The following MSRA variants were observed in gnomAD, a reference collection of about 807,000 sequenced individuals.
MSRA encodes the protein mitochondrial peptide methionine sulfoxide reductase.
Under a neutral mutation model 31.3 loss-of-function variants are expected in MSRA, and 54 were observed. That is an observed-to-expected ratio of 1.73 (90% CI 1.39 to 2.17). MSRA has a LOEUF of 2.17. MSRA is among the 30% of genes most tolerant of loss of function. The probability of loss-of-function intolerance (pLI) is 0.00; values close to 1 mark genes in which losing one functional copy is unlikely to be tolerated. For synonymous variants in MSRA, 169 were observed against 116.5 expected (o/e 1.45, Z -2.90); for missense variants, 507 against 300.9 (o/e 1.69, Z -5.07).
chr8:10,220,372 G>T (rs1810383683), intron 2 of MSRA, among the ~76,000 whole-genome samples: 1 of 152,032 alleles, frequency 6.6e-6, no homozygotes, highest in African/African-American at 2.4e-5. Context: ...TGATAATATG[G>T]AAATAATCAG....
At position 10,242,069 on chromosome 8, in the gene MSRA, C is replaced by T. The variant is rs542399313; in HGVS notation, c.212-3035C>T. Among the ~76,000 whole-genome samples the T allele has an allele frequency of 6.6e-5, 10 of 152,242 alleles. No homozygotes were observed. The South Asian group carries it at 8.3e-4, about 13-fold the overall frequency. On this transcript the variant is annotated intron_variant, in intron 2 of 5. Transcript: ENST00000317173. Reference sequence around the variant, plus strand: ...GGCAGATCACCTGAGGTCAGGAGTTCGAGACCAGCCTGGCCAACATGGCGA... The same window carrying T: ...GGCAGATCACCTGAGGTCAGGAGTTTGAGACCAGCCTGGCCAACATGGCGA...
intron 2 of MSRA, among the ~76,000 whole-genome samples, chr8:10,240,360 T>C (rs1432666205): frequency 1.3e-5 from 2 of 152,168 alleles, no homozygotes; most frequent in Admixed American, 6.5e-5. Context: ...ATGTGTAACC[T>C]ATCTCTGCCA....
chr8:10,401,679 G>A (rs1383569961), intron 5 of MSRA, among the ~76,000 whole-genome samples: 1 of 94,666 alleles, frequency 1.1e-5, no homozygotes, highest in Non-Finnish European at 2.3e-5. Flanking sequence ...TCAGATGAAT[G>A]GGTAAAAAAA....
At chr8:10,267,574 G>C (rs1450610011) in intron 3 of MSRA, among the ~76,000 whole-genome samples, 3 of 152,086 alleles carry the variant, frequency 2.0e-5, no homozygotes, top group Admixed American at 1.3e-4. Flanking sequence ...ATTACTATGG[G>C]TCCTAGTATT....
rs578051187 is a variant in MSRA at position 10,081,135 on chromosome 8, A to G, written c.142+26477A>G. Among the ~76,000 whole-genome samples, 183 of 152,290 alleles carry G rather than the reference A, an allele frequency of 1.2e-3. 1 individual carries two copies. The highest frequency in any genetic ancestry group is 4.3e-3 in the Admixed American group (66 of 15,300). On this transcript the variant is annotated intron_variant, in intron 1 of 5. Transcript: ENST00000317173. ...TGGGCTGCACACGTGGTCCAGTTGG[A>G]GGGCCATCCACAGCAACAGCAGGAA...
intron 5 of MSRA, among the ~76,000 whole-genome samples, chr8:10,329,747 C>T (rs549975699): frequency 1.3e-4 from 20 of 151,480 alleles, no homozygotes; most frequent in Admixed American, 7.9e-4. Flanking sequence ...TAGGTGGGAG[C>T]GCATCTGGCT....
chr8:10,167,105 C>G (rs985381989), intron 1 of MSRA, among the ~76,000 whole-genome samples: 2 of 152,204 alleles, frequency 1.3e-5, no homozygotes, highest in Non-Finnish European at 2.9e-5. Context: ...TCCCTCCTCT[C>G]CATTCTCTTC....
At chr8:10,161,511 A>C (rs1451498539) in intron 1 of MSRA, among the ~76,000 whole-genome samples, 1 of 152,236 alleles carries the variant, frequency 6.6e-6, no homozygotes, top group African/African-American at 2.4e-5. Flanking sequence ...GAAGAAGGAA[A>C]AAATTAAGTT....
chr8:10,303,048 G>A (rs943608199), intron 4 of MSRA, among the ~76,000 whole-genome samples: 1 of 152,242 alleles, frequency 6.6e-6, no homozygotes, highest in Non-Finnish European at 1.5e-5. Flanking sequence ...CATCAATCCA[G>A]ATGGAGCAGA....
chr8:10,172,874 T>A (rs750126882), intron 1 of MSRA, among the ~76,000 whole-genome samples: 2 of 152,160 alleles, frequency 1.3e-5, no homozygotes, highest in Non-Finnish European at 1.5e-5. Context: ...GTTACAAAGA[T>A]GAAAGTGAGT....
At position 10,057,298 on chromosome 8, in the gene MSRA, T is replaced by C. The variant is rs140776019; in HGVS notation, c.142+2640T>C. ...TGTCTTGCCCTGTATGTGGAGATGG[T>C]CTCATTGTGCTTCAGTGCCTGACCA... On this transcript the variant is annotated intron_variant, in intron 1 of 5. Coordinates refer to ENST00000317173, the MANE Select transcript of MSRA (RefSeq NM_012331.5). Among the ~76,000 whole-genome samples the C allele has an allele frequency of 5.4e-3, 824 of 152,242 alleles. 9 individuals carry two copies. The highest frequency in any genetic ancestry group is 0.019 in the African/African-American group (769 of 41,544).
chr8:10,272,758 T>C lies in MSRA; in HGVS notation c.331+27535T>C, dbSNP rs1799115178. On this transcript the variant is annotated intron_variant, in intron 3 of 5. Coordinates refer to ENST00000317173, the MANE Select transcript of MSRA (RefSeq NM_012331.5). ...ATTTATGTGTTTATTTTTTTTATTC[T>C]ACGCTGTACATTTCTTGAGGGAGAG... Among the ~76,000 whole-genome samples, 5 of 152,234 alleles carry C rather than the reference T, an allele frequency of 3.3e-5. No individual in the cohort carries two copies. The South Asian group carries it at 1.0e-3, about 32-fold the overall frequency.
chr8:10,192,917 G>T (rs1042604264), intron 1 of MSRA, among the ~76,000 whole-genome samples: 5 of 152,194 alleles, frequency 3.3e-5, no homozygotes, highest in African/African-American at 1.2e-4. Context: ...ACATGCTTTT[G>T]AAATGTGACT....
In MSRA at chr8:10,301,643, A is replaced by G. The variant is rs1439681595; in HGVS notation, c.436+5A>G. On this transcript the variant is annotated splice_donor_5th_base_variant and intron_variant, in intron 4 of 5. Transcript: ENST00000317173. ...AGAATCACGACCCGACCCAAGGTAGAGTGATGAGTGAGCCAGTATTTAATT... is the reference window on the plus strand; with the variant it reads ...AGAATCACGACCCGACCCAAGGTAGGGTGATGAGTGAGCCAGTATTTAATT... 2 of 1,602,774 alleles carry G rather than the reference A, an allele frequency of 1.2e-6. No homozygotes were observed. The highest frequency in any genetic ancestry group is 1.7e-5 in the Admixed American group (1 of 59,506).
chr8:10,391,388 G>T (rs969672411), intron 5 of MSRA, among the ~76,000 whole-genome samples: 1 of 152,204 alleles, frequency 6.6e-6, no homozygotes, highest in African/African-American at 2.4e-5. Flanking sequence ...CTGGATAGGG[G>T]AGGCACTGTG....
intron 1 of MSRA, among the ~76,000 whole-genome samples, chr8:10,179,085 G>C (rs1384816739): frequency 6.6e-6 from 1 of 152,132 alleles, no homozygotes; most frequent in African/African-American, 2.4e-5. Context: ...GCAGAGTTCA[G>C]TTCACTGATG....
At chr8:10,101,742 T>C (rs868160746) in intron 1 of MSRA, among the ~76,000 whole-genome samples, 4 of 152,194 alleles carry the variant, frequency 2.6e-5, no homozygotes, top group South Asian at 2.1e-4. Context: ...GGCTGAATAA[T>C]ACTCTATTGT....
intron 5 of MSRA, among the ~76,000 whole-genome samples, chr8:10,378,301 A>C (rs1480000193): frequency 2.0e-5 from 3 of 152,176 alleles, no homozygotes; most frequent in African/African-American, 7.2e-5. Context: ...AAGGGACCAC[A>C]GGGAAAAGCT....
chr8:10,127,030 C>A (rs1166831122), intron 1 of MSRA, among the ~76,000 whole-genome samples: 2 of 152,208 alleles, frequency 1.3e-5, no homozygotes, highest in Admixed American at 6.5e-5. Flanking sequence ...GGGACCCCTG[C>A]TCTAGAGTTA....
Sources: gnomAD v4.1 joint callset for allele counts (sites outside exome capture counted in the v4.1 genomes callset) on GRCh38, gnomAD v4.1.1 for gene constraint, MANE v1.5 for transcripts, NCBI Gene and HGNC (gene_info 2026-07-23, HGNC 2026-07-21) for gene names.